Variants in LUZP2 observed in about 807,000 individuals in gnomAD.
LUZP2 encodes leucine zipper protein 2.
Under a neutral mutation model 51.6 loss-of-function variants are expected in LUZP2, and 52 were observed. The ratio of observed to expected loss-of-function variants is 1.01; its 90% CI spans 0.81 to 1.27. The LOEUF (loss-of-function observed/expected upper bound fraction) is 1.27, where lower values mean the gene tolerates loss of function less well. Ranked by LOEUF, LUZP2 falls within the 50% of genes most tolerant of loss-of-function variation. The pLI is 0.00. For missense variants in LUZP2, 436 were observed against 395.4 expected (o/e 1.10, Z -0.87); for synonymous variants, 154 against 137.3 (o/e 1.12, Z -0.85).
At chr11:25,039,300 G>C (rs1032335343) in intron 9 of LUZP2, among the ~76,000 whole-genome samples, 3 of 152,064 alleles carry the variant, frequency 2.0e-5, no homozygotes, top group Admixed American at 1.3e-4. Context: ...AGGCTTTCAG[G>C]CTGCCAAAAT....
chr11:24,670,426 G>T (rs923512704), intron 1 of LUZP2, among the ~76,000 whole-genome samples: 7 of 151,980 alleles, frequency 4.6e-5, no homozygotes, highest in African/African-American at 1.7e-4. Flanking sequence ...TTAAAGATTA[G>T]TTATATAAGT....
chr11:24,656,487 T>A (rs990785595), intron 1 of LUZP2, among the ~76,000 whole-genome samples: 2 of 152,144 alleles, frequency 1.3e-5, no homozygotes, highest in African/African-American at 4.8e-5. Flanking sequence ...AGAACACAAA[T>A]TTGTTTTCTT....
chr11:24,553,715 C>T (rs967632432), intron 1 of LUZP2, among the ~76,000 whole-genome samples: 1 of 152,092 alleles, frequency 6.6e-6, no homozygotes, highest in Non-Finnish European at 1.5e-5. Flanking sequence ...GGAGAAAAAG[C>T]TCACTCTTGA....
At chr11:24,779,203 C>T (rs914923711) in intron 5 of LUZP2, among the ~76,000 whole-genome samples, 2 of 152,068 alleles carry the variant, frequency 1.3e-5, no homozygotes, top group Non-Finnish European at 2.9e-5. Flanking sequence ...ACATTATTTT[C>T]TGCGTTATTT....
chr11:24,497,252 C>A lies in LUZP2; in HGVS notation c.9C>A (p.Phe3Leu), dbSNP rs757542467. Residue 3 changes from phenylalanine to leucine, a missense_variant, in exon 1 of 12, where the codon TTC (phenylalanine) becomes TTA (leucine). Coordinates refer to ENST00000336930, the MANE Select transcript of LUZP2 (RefSeq NM_001009909.4). MKFSPAHYLLPLL... is the reference protein window; with the variant it reads MKLSPAHYLLPLL... Reference sequence around the variant, plus strand: ...CCCCGGCAGGCAGCAGCATGAAATTCAGCCCAGCGCACTACCTGCTGCCTC... The same window carrying A: ...CCCCGGCAGGCAGCAGCATGAAATTAAGCCCAGCGCACTACCTGCTGCCTC... The A allele has an allele frequency of 6.4e-7, 1 of 1,556,114 alleles. No homozygotes were observed. The highest frequency in any genetic ancestry group is 1.8e-5 in the Admixed American group (1 of 54,310).
rs183107103 is a variant in LUZP2, at chr11:24,947,076, A to T, written c.523-29515A>T. Among the ~76,000 whole-genome samples the T allele has an allele frequency of 2.8e-3, 419 of 152,128 alleles. 1 individual carries two copies. Among genetic ancestry groups the T allele is most frequent in the African/African-American group, 9.1e-3 (376 of 41,528 alleles). On this transcript the variant is annotated intron_variant, in intron 7 of 11. Coordinates refer to ENST00000336930, the MANE Select transcript of LUZP2 (RefSeq NM_001009909.4). ...ATAACTTTTGACTCCCCAAGTAGTT[A>T]CTAGTAATAACCTACTATTGACTGA...
At chr11:24,853,622 T>G (rs533791787) in intron 5 of LUZP2, among the ~76,000 whole-genome samples, 1 of 152,198 alleles carries the variant, frequency 6.6e-6, no homozygotes, top group East Asian at 1.9e-4. Context: ...CCTACTTCTT[T>G]CAATTTGTCA....
intron 1 of LUZP2, among the ~76,000 whole-genome samples, chr11:24,517,359 T>G (rs940270406): frequency 1.4e-4 from 21 of 151,188 alleles, no homozygotes; most frequent in Admixed American, 2.0e-4. Context: ...GGTGGCGGGT[T>G]CCTGTAGTCC....
intron 1 of LUZP2, among the ~76,000 whole-genome samples, chr11:24,549,829 A>T (rs1438926178): frequency 6.6e-6 from 1 of 152,076 alleles, no homozygotes; most frequent in Non-Finnish European, 1.5e-5. Context: ...AACTAAAACC[A>T]CCAAAATGTT....
At chr11:25,030,547 G>T (rs977496131) in intron 9 of LUZP2, among the ~76,000 whole-genome samples, 1 of 151,526 alleles carries the variant, frequency 6.6e-6, no homozygotes, top group African/African-American at 2.4e-5. Context: ...TAAATATTGT[G>T]GATGACCACT....
intron 5 of LUZP2, among the ~76,000 whole-genome samples, chr11:24,803,309 A>T (rs1188878823): frequency 6.6e-6 from 1 of 152,036 alleles, no homozygotes; most frequent in Non-Finnish European, 1.5e-5. Flanking sequence ...ATGAGATACT[A>T]CTTCATACGT....
chr11:24,562,636 A>C (rs1208835285), intron 1 of LUZP2, among the ~76,000 whole-genome samples: 1 of 151,222 alleles, frequency 6.6e-6, no homozygotes, highest in Non-Finnish European at 1.5e-5. Context: ...AGCAGATCAC[A>C]AGGTCAGGAG....
intron 5 of LUZP2, 150 bp downstream of exon 5, chr11:24,763,458 AT>A (rs1342282139): frequency 2.6e-6 from 1 of 379,772 alleles, no homozygotes; most frequent in Non-Finnish European, 4.8e-6. Flanking sequence ...AAGGTGAAGA[AT>A]TTCAAAAAGT....
At chr11:24,801,292 C>G (rs939896043) in intron 5 of LUZP2, among the ~76,000 whole-genome samples, 1 of 152,040 alleles carries the variant, frequency 6.6e-6, no homozygotes, top group African/African-American at 2.4e-5. Context: ...GCCTCTGCAA[C>G]CCCAACCCTC....
At chr11:25,023,455 G>T (rs1857397585) in intron 9 of LUZP2, among the ~76,000 whole-genome samples, 1 of 151,982 alleles carries the variant, frequency 6.6e-6, no homozygotes, top group Non-Finnish European at 1.5e-5. Context: ...ATACTCTGAT[G>T]GTAGTTTGTA....
intron 1 of LUZP2, among the ~76,000 whole-genome samples, chr11:24,712,149 A>G (rs1857851630): frequency 6.6e-6 from 1 of 152,150 alleles, no homozygotes. Flanking sequence ...GGCTGGACTC[A>G]GTTGCTCACA....
intron 1 of LUZP2, among the ~76,000 whole-genome samples, chr11:24,684,159 C>G (rs1027869099): frequency 6.6e-6 from 1 of 152,026 alleles, no homozygotes; most frequent in Non-Finnish European, 1.5e-5. Flanking sequence ...CCCAATCAGA[C>G]CCCTTTTCCT....
intron 5 of LUZP2, among the ~76,000 whole-genome samples, chr11:24,790,893 A>G (rs966192369): frequency 1.3e-5 from 2 of 152,100 alleles, no homozygotes; most frequent in Non-Finnish European, 2.9e-5. Context: ...CAAACCTCTC[A>G]CTTTTCCATT....
intron 10 of LUZP2, among the ~76,000 whole-genome samples, chr11:25,063,794 G>A (rs1055676363): frequency 6.6e-6 from 1 of 151,832 alleles, no homozygotes; most frequent in African/African-American, 2.4e-5. Flanking sequence ...AACATGTAAT[G>A]TGTATCAGGA....
Sources: gnomAD v4.1 joint callset for allele counts (sites outside exome capture counted in the v4.1 genomes callset) on GRCh38, gnomAD v4.1.1 for gene constraint, MANE v1.5 for transcripts, NCBI Gene and HGNC (gene_info 2026-07-23, HGNC 2026-07-21) for gene names.